Variants in TIAM2 observed in about 807,000 individuals in gnomAD.
The protein encoded by TIAM2 is rho guanine nucleotide exchange factor TIAM2.
In TIAM2, 80 loss-of-function variants were observed where a neutral mutation model predicts 152.9. That is an observed-to-expected ratio of 0.52 (90% CI 0.44 to 0.63). The LOEUF is 0.63. Ranked by LOEUF, TIAM2 falls within the 30% of genes least tolerant of loss-of-function variation. The pLI is 0.00. For missense variants in TIAM2, 1,965 were observed against 2,120.1 expected, an observed-to-expected ratio of 0.93 and a Z score of 1.44; for synonymous variants, 804 against 838.0, an observed-to-expected ratio of 0.96 and a Z score of 0.70.
At chr6:155,187,315 C>T (rs1781063102) in intron 14 of TIAM2, among the ~76,000 whole-genome samples, 2 of 152,106 alleles carry the variant, frequency 1.3e-5, no homozygotes, top group South Asian at 4.1e-4. Flanking sequence ...AAGTGTTAGT[C>T]ACAGTGGCAG....
chr6:155,016,181 A>T (rs905189979), intron 1 of TIAM2: 1 of 152,164 alleles, frequency 6.6e-6, no homozygotes, highest in African/African-American at 2.4e-5. Context: ...TCCCATAGAA[A>T]TAAAAGCAGC....
intron 9 of TIAM2, among the ~76,000 whole-genome samples, chr6:155,168,682 G>A (rs1331924820): frequency 1.3e-5 from 2 of 152,250 alleles, no homozygotes; most frequent in East Asian, 3.9e-4. Context: ...GTAACTATGC[G>A]GGAAATAAAA....
chr6:155,133,610 C>G (rs1322980003), intron 4 of TIAM2, among the ~76,000 whole-genome samples: 4 of 152,108 alleles, frequency 2.6e-5, no homozygotes, highest in Non-Finnish European at 5.9e-5. Context: ...TTCCCATTGC[C>G]CTCTCCTGCC....
chr6:155,141,302 A>G (rs1016664377), intron 5 of TIAM2, among the ~76,000 whole-genome samples: 3 of 152,110 alleles, frequency 2.0e-5, no homozygotes, highest in Non-Finnish European at 2.9e-5. Flanking sequence ...GGAATTCAGT[A>G]TGTTGAGTTC....
At chr6:155,078,116 T>C (rs2114962865) in intron 1 of TIAM2, among the ~76,000 whole-genome samples, 1 of 152,146 alleles carries the variant, frequency 6.6e-6, no homozygotes, top group African/African-American at 2.4e-5. Flanking sequence ...TGGAGTGCAG[T>C]GGTGCAGTCA....
chr6:155,250,488 A>G, intron 21 of TIAM2: 1 of 1,421,100 alleles, frequency 7.0e-7, no homozygotes, highest in Non-Finnish European at 9.6e-7. Flanking sequence ...AAAGGACTGG[A>G]GATCAGTCCT....
At chr6:155,102,353 A>G (rs570903743) in intron 2 of TIAM2, among the ~76,000 whole-genome samples, 7 of 152,280 alleles carry the variant, frequency 4.6e-5, no homozygotes, top group Non-Finnish European at 8.8e-5. Context: ...CATGTTATTT[A>G]CATTTCTTAT....
At chr6:155,045,327 G>T (rs1279814054) in intron 1 of TIAM2, among the ~76,000 whole-genome samples, 1 of 152,042 alleles carries the variant, frequency 6.6e-6, no homozygotes, top group African/African-American at 2.4e-5. Flanking sequence ...CTCCCAAAAT[G>T]CTGGGATTAC....
intron 9 of TIAM2, among the ~76,000 whole-genome samples, chr6:155,166,793 T>G (rs1406598289): frequency 6.6e-6 from 1 of 152,256 alleles, no homozygotes; most frequent in African/African-American, 2.4e-5. Context: ...TGATATGTTT[T>G]AGGATTATTC....
intron 24 of TIAM2, 73 bp downstream of exon 24, chr6:155,253,126 A>G: frequency 2.3e-6 from 3 of 1,306,886 alleles, no homozygotes; most frequent in East Asian, 2.4e-5. Context: ...AAATTAAGAA[A>G]GGACCTTGGG....
chr6:155,190,840 GA>G (rs148913194), intron 14 of TIAM2, among the ~76,000 whole-genome samples: 22,832 of 145,750 alleles, frequency 0.16, 1,984 homozygotes, highest in African/African-American at 0.25. Flanking sequence ...TAAGGAAAAG[GA>G]AAAAAAAAAA....
rs552209477 is a variant in TIAM2 at position 155,246,466 on chromosome 6, C to A, written c.3652+735C>A. Among the ~76,000 whole-genome samples, 14 of 152,220 alleles carry A rather than the reference C, an allele frequency of 9.2e-5. No individual in the cohort carries two copies. The East Asian group carries it at 2.7e-3, about 29-fold the overall frequency. ...CTGTTGCCATTTCCTCCCACAAACA[C>A]CCTCTTTTTAATTAAATTTAATTAA... On this transcript the variant is annotated intron_variant, in intron 19 of 26. Coordinates refer to ENST00000682666, the MANE Select transcript of TIAM2 (RefSeq NM_012454.4).
At chr6:155,222,035 C>G (rs1352649371) in intron 15 of TIAM2, among the ~76,000 whole-genome samples, 1 of 151,910 alleles carries the variant, frequency 6.6e-6, no homozygotes, top group Non-Finnish European at 1.5e-5. Flanking sequence ...TTCACTGTAG[C>G]CTCTGCCTCC....
intron 7 of TIAM2, among the ~76,000 whole-genome samples, chr6:155,152,201 A>G (rs1779988068): frequency 6.6e-6 from 1 of 152,216 alleles, no homozygotes; most frequent in Non-Finnish European, 1.5e-5. Flanking sequence ...CTGTTGCTCA[A>G]CCAGGATATG....
chr6:155,169,258 G>A (rs1019116539), intron 9 of TIAM2, among the ~76,000 whole-genome samples: 1 of 152,222 alleles, frequency 6.6e-6, no homozygotes, highest in African/African-American at 2.4e-5. Context: ...GCCTCCCAAA[G>A]TGCTGGGATG....
At chr6:155,245,588 C>G in intron 18 of TIAM2, 35 bp from the exon 19 acceptor site, 2 of 1,550,078 alleles carry the variant, frequency 1.3e-6, no homozygotes, top group Non-Finnish European at 1.8e-6. Flanking sequence ...TTGATTAAAC[C>G]ATGTCTGATT....
chr6:155,183,997 AT>A (rs1041910007), intron 14 of TIAM2, among the ~76,000 whole-genome samples: 3 of 150,710 alleles, frequency 2.0e-5, no homozygotes, highest in East Asian at 1.9e-4. Context: ...TTTTATTTTT[AT>A]TTTTTTTTGA....
At chr6:155,094,542 C>A (rs1049858497) in intron 2 of TIAM2, among the ~76,000 whole-genome samples, 2 of 130,168 alleles carry the variant, frequency 1.5e-5, no homozygotes, top group African/African-American at 2.8e-5. Flanking sequence ...CTGCTTCACT[C>A]AGACTTTTTT....
Position 155,049,637 on chromosome 6 carries a change from T to G in TIAM2, c.-208-40652T>G, listed in dbSNP as rs1777277677. ...TTTACCAGTCTGTTCTAACCCCATG[T>G]TTCATAATTGTTAAAATGGTTCTAA... is the stretch of plus-strand genomic sequence containing the variant. On this transcript the variant is annotated intron_variant, in intron 1 of 26. Coordinates refer to ENST00000682666, the MANE Select transcript of TIAM2 (RefSeq NM_012454.4). 5.9e-5 allele frequency among the ~76,000 whole-genome samples: 9 copies of G among 152,302 alleles called. No homozygotes were observed. In the South Asian group the frequency reaches 1.9e-3, roughly 32 times the overall value.
Sources: allele counts gnomAD v4.1 joint callset (sites outside exome capture counted in the v4.1 genomes callset), GRCh38; gene constraint gnomAD v4.1.1; transcripts MANE v1.5; gene names NCBI Gene and HGNC (gene_info 2026-07-23, HGNC 2026-07-21).